The following SRRM4 variants were observed in gnomAD, a reference collection of about 807,000 sequenced individuals.
SRRM4 encodes serine/arginine repetitive matrix 4, also known as serine/arginine repetitive matrix protein 4.
In SRRM4, 33 loss-of-function variants were observed where a neutral mutation model predicts 68.9. That is an observed-to-expected ratio of 0.48 (90% CI 0.36 to 0.64). The LOEUF (loss-of-function observed/expected upper bound fraction) is 0.64. Ranked by LOEUF, SRRM4 falls within the 30% of genes least tolerant of loss-of-function variation. The pLI is 0.00. For missense variants in SRRM4, 817 were observed against 827.1 expected, an observed-to-expected ratio of 0.99 and a Z score of 0.15; for synonymous variants, 318 against 318.8, an observed-to-expected ratio of 1.00 and a Z score of 0.03.
At chr12:119,008,758 C>T (rs1390195573) in intron 1 of SRRM4, among the ~76,000 whole-genome samples, 1 of 152,084 alleles carries the variant, frequency 6.6e-6, no homozygotes, top group Non-Finnish European at 1.5e-5. Context: ...CTGTTTTTCC[C>T]CTCCCCCACC....
At chr12:119,076,233 C>T (rs1953915320) in intron 1 of SRRM4, among the ~76,000 whole-genome samples, 1 of 152,060 alleles carries the variant, frequency 6.6e-6, no homozygotes, top group Non-Finnish European at 1.5e-5. Flanking sequence ...TACTATATAC[C>T]AGCCACTGTG....
intron 1 of SRRM4, among the ~76,000 whole-genome samples, chr12:119,049,662 A>G (rs1259182191): frequency 6.6e-6 from 1 of 152,168 alleles, no homozygotes; most frequent in African/African-American, 2.4e-5. Flanking sequence ...ACCATGACAA[A>G]ATGCCACAGA....
At chr12:119,125,903 A>C (rs1954256104) in intron 7 of SRRM4, among the ~76,000 whole-genome samples, 1 of 150,938 alleles carries the variant, frequency 6.6e-6, no homozygotes, top group African/African-American at 2.4e-5. Context: ...CCTGGGTGAC[A>C]GAACAAGACT....
chr12:119,104,460 TTA>T (rs1954095357), intron 2 of SRRM4, among the ~76,000 whole-genome samples: 1 of 94,732 alleles, frequency 1.1e-5, no homozygotes. Context: ...GTAATCATAA[TTA>T]TATTATATAA....
intron 1 of SRRM4, among the ~76,000 whole-genome samples, chr12:118,991,045 T>A (rs908126369): frequency 6.6e-6 from 1 of 152,152 alleles, no homozygotes; most frequent in African/African-American, 2.4e-5. Context: ...CCTCAGGTGA[T>A]CCACCCTCCT....
At chr12:119,069,290 C>A (rs975399375) in intron 1 of SRRM4, among the ~76,000 whole-genome samples, 15 of 152,166 alleles carry the variant, frequency 9.9e-5, no homozygotes, top group Non-Finnish European at 1.9e-4. Context: ...CTGGAGTCCA[C>A]CCCTCCTTCA....
At chr12:119,069,686 G>C (rs984731571) in intron 1 of SRRM4, 1 of 152,172 alleles carries the variant, frequency 6.6e-6, no homozygotes, top group East Asian at 1.9e-4. Context: ...TTGGCTGAAA[G>C]TAAGAGAAAA....
intron 1 of SRRM4, among the ~76,000 whole-genome samples, chr12:119,014,828 C>A (rs2135998936): frequency 6.6e-6 from 1 of 152,230 alleles, no homozygotes; most frequent in Non-Finnish European, 1.5e-5. Context: ...TGATTACATA[C>A]AATTCTGTTA....
intron 1 of SRRM4, among the ~76,000 whole-genome samples, chr12:119,024,137 T>C (rs906584370): frequency 1.3e-5 from 2 of 152,206 alleles, no homozygotes; most frequent in East Asian, 3.9e-4. Flanking sequence ...CTCAGCTATA[T>C]ATGCAGTGTC....
At chr12:119,046,724 G>A (rs1306352873) in intron 1 of SRRM4, among the ~76,000 whole-genome samples, 1 of 152,052 alleles carries the variant, frequency 6.6e-6, no homozygotes, top group Non-Finnish European at 1.5e-5. Flanking sequence ...CAATCTCTCT[G>A]AAACATCTTG....
In SRRM4 at chr12:119,122,244, AAGGAAGGC is replaced by A. The variant is rs546863868; in HGVS notation, c.515+172_515+179del. On this transcript the variant is annotated intron_variant, in intron 6 of 12. Coordinates refer to ENST00000267260, the MANE Select transcript of SRRM4 (RefSeq NM_194286.4). ...AAGGGAGGAGAAGGTGAGCGGGTGA[AAGGAAGGC>A]AGGAAGGCAGGAAGGCAGGAAGGCA... 1,227 of 375,296 alleles carry A rather than the reference AAGGAAGGC, an allele frequency of 3.3e-3. 28 individuals carry two copies. The highest frequency in any genetic ancestry group is 0.012 in the African/African-American group (406 of 34,518). The allele number at this position is 375,296 out of a possible 1,614,324, so 23.2% of individuals were successfully genotyped here. A position where few individuals can be genotyped will look rare whatever the true frequency, so the allele number is the denominator to read the frequency against.
chr12:119,102,814 C>G lies in SRRM4; in HGVS notation c.278+432C>G, dbSNP rs75480675. On this transcript the variant is annotated intron_variant, in intron 2 of 12. Transcript: ENST00000267260. ...CTGTCTCAGGAGTTTCAGGTCTCTG[C>G]ATGTTTTCTTTTACTCAGTTGTTTA... Among the ~76,000 whole-genome samples the G allele has an allele frequency of 7.6e-3, 1,152 of 152,298 alleles. 21 individuals are homozygous for G. Among genetic ancestry groups the G allele is most frequent in the African/African-American group, 0.026 (1,092 of 41,558 alleles).
rs984399910 is a variant in SRRM4 at position 119,035,140 on chromosome 12, TA to T, written c.131+53135del. ...AAATTAAAAAATTAACCCTTGCATT[TA>T]AAAAAAATTGACTTTTCTCCTCTTC... is the stretch of plus-strand genomic sequence containing the variant. On this transcript the variant is annotated intron_variant, in intron 1 of 12. Coordinates refer to ENST00000267260, the MANE Select transcript of SRRM4 (RefSeq NM_194286.4). Among the ~76,000 whole-genome samples, 27 of 152,146 alleles carry T rather than the reference TA, an allele frequency of 1.8e-4. No homozygotes were observed. In the East Asian group the frequency reaches 2.9e-3, roughly 16 times the overall value.
chr12:118,986,518 A>C (rs1953283082), intron 1 of SRRM4, among the ~76,000 whole-genome samples: 1 of 152,120 alleles, frequency 6.6e-6, no homozygotes, highest in Non-Finnish European at 1.5e-5. Context: ...CATGGTTCAA[A>C]CCCAGCAACA....
chr12:119,045,583 T>G (rs1032181351), intron 1 of SRRM4, among the ~76,000 whole-genome samples: 6 of 150,872 alleles, frequency 4.0e-5, no homozygotes, highest in Admixed American at 1.3e-4. Flanking sequence ...TGGTAATCGG[T>G]TGGGAACCCT....
chr12:119,143,107 C>A (rs1954376351), intron 8 of SRRM4, among the ~76,000 whole-genome samples: 1 of 152,212 alleles, frequency 6.6e-6, no homozygotes, highest in Non-Finnish European at 1.5e-5. Flanking sequence ...ATCACCTTGC[C>A]TGTATGCAAA....
At chr12:118,999,181 T>C (rs1207862486) in intron 1 of SRRM4, among the ~76,000 whole-genome samples, 1 of 152,170 alleles carries the variant, frequency 6.6e-6, no homozygotes, top group Non-Finnish European at 1.5e-5. Context: ...GATACCAGGC[T>C]ATGCAGGCAC....
intron 1 of SRRM4, among the ~76,000 whole-genome samples, chr12:119,098,418 C>T (rs11609770): frequency 0.079 from 12,016 of 152,242 alleles, 529 homozygotes; most frequent in African/African-American, 0.1. Flanking sequence ...AGGAAATTAG[C>T]CCAAAGCATC....
At chr12:119,117,596 G>GCACACACACACACACA (rs71451816) in intron 4 of SRRM4, among the ~76,000 whole-genome samples, 242 of 150,396 alleles carry the variant, frequency 1.6e-3, no homozygotes, top group African/African-American at 3.5e-3. Flanking sequence ...TGTTCACTGT[G>GCACACACACACACACA]CACACACACA....
Sources: allele counts gnomAD v4.1 joint callset (sites outside exome capture counted in the v4.1 genomes callset), GRCh38; gene constraint gnomAD v4.1.1; transcripts MANE v1.5; gene names NCBI Gene and HGNC (gene_info 2026-07-23, HGNC 2026-07-21).